Variants in ZRANB3 observed in about 807,000 individuals in gnomAD.
ZRANB3 encodes zinc finger RANBP2-type containing 3.
Under a neutral mutation model 133.8 loss-of-function variants are expected in ZRANB3, and 125 were observed. The ratio of observed to expected loss-of-function variants is 0.93; its 90% CI spans 0.81 to 1.08. The LOEUF (loss-of-function observed/expected upper bound fraction) is 1.08. ZRANB3 is among the 50% of genes least tolerant of loss of function. The pLI is 0.00. For synonymous variants in ZRANB3, 387 were observed against 432.7 expected (o/e 0.89, Z 1.31); for missense variants, 1,229 against 1,275.5 (o/e 0.96, Z 0.56).
At chr2:135,242,168 ACT>A (rs753660562) in intron 12 of ZRANB3, among the ~76,000 whole-genome samples, 2 of 151,262 alleles carry the variant, frequency 1.3e-5, no homozygotes, top group Non-Finnish European at 2.9e-5. Flanking sequence ...ACAGAGTGAG[ACT>A]CTGTCTCCAA....
intron 3 of ZRANB3, among the ~76,000 whole-genome samples, chr2:135,371,589 G>A (rs1229906081): frequency 6.6e-6 from 1 of 152,178 alleles, no homozygotes; most frequent in Non-Finnish European, 1.5e-5. Flanking sequence ...AAGAAATCAG[G>A]ACAGACTTCT....
intron 6 of ZRANB3, chr2:135,345,330 T>C (rs1304867397): frequency 2.7e-6 from 1 of 368,970 alleles, no homozygotes; most frequent in African/African-American, 2.1e-5. Flanking sequence ...TAGCCGGGCA[T>C]GGTGGCGCAT....
intron 9 of ZRANB3, among the ~76,000 whole-genome samples, chr2:135,274,601 T>A (rs899629949): frequency 7.2e-5 from 11 of 152,104 alleles, no homozygotes; most frequent in East Asian, 1.9e-4. Flanking sequence ...AACCTTTTTT[T>A]AAATTTTTTT....
chr2:135,496,583 G>T (rs976661394), intron 2 of ZRANB3, among the ~76,000 whole-genome samples: 6 of 151,980 alleles, frequency 3.9e-5, no homozygotes, highest in African/African-American at 1.5e-4. Flanking sequence ...AATATTTAAA[G>T]AAATACGACA....
intron 2 of ZRANB3, among the ~76,000 whole-genome samples, chr2:135,464,231 A>G (rs1442503397): frequency 6.6e-6 from 1 of 152,192 alleles, no homozygotes; most frequent in African/African-American, 2.4e-5. Context: ...GGGGAAAAGT[A>G]TAGGAGCTGA....
At chr2:135,493,165 A>C (rs1251449623) in intron 2 of ZRANB3, among the ~76,000 whole-genome samples, 2 of 94,318 alleles carry the variant, frequency 2.1e-5, no homozygotes, top group African/African-American at 7.5e-5. Flanking sequence ...ATATATATAT[A>C]TATATATAAA....
intron 3 of ZRANB3, among the ~76,000 whole-genome samples, chr2:135,366,356 C>A (rs887036084): frequency 1.3e-5 from 2 of 151,510 alleles, no homozygotes; most frequent in Non-Finnish European, 2.9e-5. Flanking sequence ...GTTACTAAAT[C>A]GTTACATAAA....
At chr2:135,517,576 CTGTT>C (rs1483851085) in intron 1 of ZRANB3, among the ~76,000 whole-genome samples, 1 of 152,182 alleles carries the variant, frequency 6.6e-6, no homozygotes, top group African/African-American at 2.4e-5. Context: ...ACTCAAGACT[CTGTT>C]TGCCTGGGTA....
At chr2:135,264,404 A>G (rs1323560463) in intron 12 of ZRANB3, among the ~76,000 whole-genome samples, 4 of 150,566 alleles carry the variant, frequency 2.7e-5, no homozygotes, top group African/African-American at 9.8e-5. Context: ...CCCGGGAGAC[A>G]GAGGTTGCAG....
At chr2:135,391,614 C>G (rs866160870) in intron 2 of ZRANB3, among the ~76,000 whole-genome samples, 1 of 146,868 alleles carries the variant, frequency 6.8e-6, no homozygotes, top group Non-Finnish European at 1.5e-5. Context: ...GAGTCTCGCT[C>G]TGTTGCCCAG....
chr2:135,239,573 C>T (rs1558855016), intron 12 of ZRANB3, among the ~76,000 whole-genome samples: 1 of 152,170 alleles, frequency 6.6e-6, no homozygotes. Flanking sequence ...CTAATTTATA[C>T]GTTCTCAAAT....
intron 8 of ZRANB3, among the ~76,000 whole-genome samples, chr2:135,284,064 T>C (rs1681226482): frequency 6.6e-6 from 1 of 152,204 alleles, no homozygotes; most frequent in African/African-American, 2.4e-5. Flanking sequence ...AAGCTATCTT[T>C]GTTGAATGAT....
chr2:135,354,442 C>T (rs1310167829), intron 3 of ZRANB3, among the ~76,000 whole-genome samples: 1 of 152,182 alleles, frequency 6.6e-6, no homozygotes, highest in East Asian at 1.9e-4. Context: ...TGCCTGACTT[C>T]TAAGCTGTTC....
chr2:135,501,027 C>G (rs1160750460), intron 2 of ZRANB3, among the ~76,000 whole-genome samples: 1 of 152,000 alleles, frequency 6.6e-6, no homozygotes, highest in Non-Finnish European at 1.5e-5. Context: ...TCAACAGACA[C>G]AAATCCCAGA....
intron 3 of ZRANB3, among the ~76,000 whole-genome samples, chr2:135,388,648 T>C (rs989128981): frequency 1.1e-4 from 16 of 152,230 alleles, no homozygotes; most frequent in African/African-American, 3.4e-4. Flanking sequence ...GAAATAGTTA[T>C]GGCTAGTCTT....
chr2:135,283,977 T>TGA (rs764336807), intron 8 of ZRANB3, among the ~76,000 whole-genome samples: 7 of 152,114 alleles, frequency 4.6e-5, no homozygotes, highest in Non-Finnish European at 1.0e-4. Context: ...AGCGAGACCC[T>TGA]GACCCTTAAA....
intron 1 of ZRANB3, among the ~76,000 whole-genome samples, chr2:135,526,771 G>A (rs997487586): frequency 6.6e-6 from 1 of 152,078 alleles, no homozygotes; most frequent in Non-Finnish European, 1.5e-5. Flanking sequence ...CTAAGAGCCA[G>A]ATACCCTTTT....
chr2:135,455,418 C>T (rs1024730668), intron 2 of ZRANB3, among the ~76,000 whole-genome samples: 1 of 151,364 alleles, frequency 6.6e-6, no homozygotes, highest in Non-Finnish European at 1.5e-5. Context: ...GAATCCCTGA[C>T]TTCATGTGGT....
At chr2:135,375,315 G>A (rs1163123609) in intron 3 of ZRANB3, among the ~76,000 whole-genome samples, 1 of 152,184 alleles carries the variant, frequency 6.6e-6, no homozygotes, top group African/African-American at 2.4e-5. Flanking sequence ...CACTTTGGGA[G>A]GCCAAGGCAG....
Sources: allele counts gnomAD v4.1 joint callset (sites outside exome capture counted in the v4.1 genomes callset), GRCh38; gene constraint gnomAD v4.1.1; transcripts MANE v1.5; gene names NCBI Gene and HGNC (gene_info 2026-07-23, HGNC 2026-07-21).